FCGR1A: variants seen among roughly 807,000 people sequenced by gnomAD.
FCGR1A encodes the protein high affinity immunoglobulin gamma Fc receptor I.
In FCGR1A, 13 loss-of-function variants were observed where a neutral mutation model predicts 35.0. The ratio of observed to expected loss-of-function variants is 0.37; its 90% CI spans 0.24 to 0.59. The LOEUF is 0.59. Among genes scored for constraint, FCGR1A ranks in the 20% least tolerant of loss-of-function variants. The pLI is 0.71. For synonymous variants in FCGR1A, 91 were observed against 164.7 expected (o/e 0.55, Z 3.43); for missense variants, 227 against 430.0 (o/e 0.53, Z 4.17).
chr1:149,785,931 T>C (rs1449365612), intron 3 of FCGR1A: 1 of 152,142 alleles, frequency 6.6e-6, no homozygotes, highest in East Asian at 1.9e-4. Flanking sequence ...GGTTTATTTT[T>C]CTCAACATTA....
At chr1:149,793,387 G>T (rs587710669), downstream of FCGR1A, among the ~76,000 whole-genome samples, 8 of 152,080 alleles carry the variant, frequency 5.3e-5, no homozygotes, top group African/African-American at 1.4e-4. Context: ...GGGCAAGAAG[G>T]CTCCAGGCTC....
chr1:149,792,737 C>G, downstream of FCGR1A: 4 of 1,283,982 alleles, frequency 3.1e-6, no homozygotes, highest in Non-Finnish European at 4.1e-6. Flanking sequence ...CTCCGCGCCC[C>G]CGCCAAAACC....
At chr1:149,793,723 G>A (rs1447543489), downstream of FCGR1A, among the ~76,000 whole-genome samples, 2 of 150,660 alleles carry the variant, frequency 1.3e-5, no homozygotes, top group Non-Finnish European at 3.0e-5. Context: ...GGTCGTTAGG[G>A]GTCGTTCTTC....
chr1:149,791,461 A>G lies in FCGR1A; in HGVS notation c.1069A>G (p.Lys357Glu), dbSNP rs2091709776. ...LEEELKCQEQ[K>E]EEQLQEGVHR... Reference sequence around the variant, plus strand: ...AGAAGAGCTGAAATGTCAGGAACAAAAAGAAGAACAGCTGCAGGAAGGGGT... The same window carrying G: ...AGAAGAGCTGAAATGTCAGGAACAAGAAGAAGAACAGCTGCAGGAAGGGGT... The change falls in exon 6 of 6, where the codon AAA becomes GAA. Residue 357 changes from lysine (K) to glutamate (E), a missense_variant. Around this residue, in one of 3 missense-constraint regions of FCGR1A, gnomAD observed 39 missense variants for 101.3 expected, o/e 0.38. Coordinates refer to ENST00000369168, the MANE Select transcript of FCGR1A (RefSeq NM_000566.4). The G allele has an allele frequency of 6.2e-7, 1 of 1,608,496 alleles. No homozygotes were observed.
chr1:149,794,139 G>C, downstream of FCGR1A: 1 of 383,128 alleles, frequency 2.6e-6, no homozygotes, highest in South Asian at 1.9e-5. Context: ...GTCTAGGTGA[G>C]AGGCAGCGGC....
At chr1:149,793,785 G>A (rs1307778237), downstream of FCGR1A, among the ~76,000 whole-genome samples, 1 of 151,828 alleles carries the variant, frequency 6.6e-6, no homozygotes, top group Non-Finnish European at 1.5e-5. Flanking sequence ...GGCCACAAGA[G>A]CTTCTGTAAG....
intron 5 of FCGR1A, 38 bp from the exon 6 acceptor site, chr1:149,791,199 T>C (rs782011305): frequency 6.2e-7 from 1 of 1,606,112 alleles, no homozygotes; most frequent in Non-Finnish European, 8.5e-7. Context: ...CTCTGGTCTC[T>C]AAATAGTATC....
chr1:149,800,205 G>A, the FCGR1A span, among the ~76,000 whole-genome samples: 1 of 152,208 alleles, frequency 6.6e-6, no homozygotes, highest in African/African-American at 2.4e-5. Flanking sequence ...AAGTATGGGG[G>A]AAGGAGCATG....
chr1:149,788,252 G>C, intron 3 of FCGR1A, 114 bp from the exon 4 acceptor site: 2 of 1,607,644 alleles, frequency 1.2e-6, no homozygotes, highest in South Asian at 1.1e-5. Context: ...AGATTTGGCA[G>C]AGCTCTGAGG....
At chr1:149,784,392 C>T (rs2091484386) in intron 3 of FCGR1A, 135 bp downstream of exon 3, 3 of 1,499,510 alleles carry the variant, frequency 2.0e-6, no homozygotes, top group Non-Finnish European at 2.7e-6. Context: ...CCAGGTGAAA[C>T]TAAATCAGTA....
chr1:149,793,294 G>T (rs587655189), downstream of FCGR1A: 12 of 1,190,956 alleles, frequency 1.0e-5, no homozygotes, highest in Admixed American at 2.7e-4. Flanking sequence ...CCGCCTCCCC[G>T]TCCAGCTCGG....
chr1:149,790,163 G>T lies in FCGR1A; in HGVS notation c.669G>T (p.Leu223Phe), dbSNP rs781973576. Reference protein sequence around the residue: ...ETKLLLQRPGLQLYFSFYMGS... With the variant: ...ETKLLLQRPGFQLYFSFYMGS... ...AGTTGCTCTTGCAGAGGCCTGGTTT[G>T]CAGCTTTACTTCTCCTTCTACATGG... Residue 223 changes from leucine (L) to phenylalanine (F), a missense_variant, in exon 5 of 6, where the codon TTG becomes TTT. Leu to Phe is a conservative substitution (Grantham distance 22). Coordinates refer to ENST00000369168, the MANE Select transcript of FCGR1A (RefSeq NM_000566.4). 6.2e-7 allele frequency: 1 copy of T among 1,614,002 alleles called. No individual in the cohort carries two copies. The highest frequency in any genetic ancestry group is 1.3e-5 in the African/African-American group (1 of 75,026).
chr1:149,800,247 C>T, the FCGR1A span, among the ~76,000 whole-genome samples: 2 of 152,238 alleles, frequency 1.3e-5, no homozygotes, highest in Non-Finnish European at 2.9e-5. Context: ...GGGTGCGCCG[C>T]CCTTCAGGAA....
chr1:149,792,583 C>T (rs1553752123), downstream of FCGR1A: 9 of 1,195,838 alleles, frequency 7.5e-6, no homozygotes, highest in South Asian at 9.0e-5. Flanking sequence ...CGTCGCGCTC[C>T]GAGCGTGTCC....
chr1:149,796,229 A>T (rs1222852337), downstream of FCGR1A, among the ~76,000 whole-genome samples: 1 of 152,216 alleles, frequency 6.6e-6, no homozygotes, highest in Non-Finnish European at 1.5e-5. Context: ...AGAGAAGATT[A>T]AAAAAAGAAT....
chr1:149,789,916 C>T, intron 4 of FCGR1A, 138 bp from the exon 5 acceptor site: 1 of 1,549,434 alleles, frequency 6.5e-7, no homozygotes, highest in Admixed American at 1.9e-5. Context: ...TGGCTCTCTG[C>T]TGGAAGTAAA....
At chr1:149,800,073 G>A in the FCGR1A span, among the ~76,000 whole-genome samples, 3 of 151,876 alleles carry the variant, frequency 2.0e-5, no homozygotes, top group Non-Finnish European at 2.9e-5. Flanking sequence ...TTCCAAGCTG[G>A]GGTTCCCATG....
At chr1:149,793,917 A>G, downstream of FCGR1A, 1 of 1,286,440 alleles carries the variant, frequency 7.8e-7, no homozygotes, top group Non-Finnish European at 1.0e-6. Context: ...TCCTAGCTAA[A>G]TGCCTTCAGG....
chr1:149,799,959 C>T, the FCGR1A span, among the ~76,000 whole-genome samples: 2 of 152,040 alleles, frequency 1.3e-5, no homozygotes. Flanking sequence ...AATTTTTACA[C>T]TATTTATCAG....
Sources: gnomAD v4.1 joint callset for allele counts (sites outside exome capture counted in the v4.1 genomes callset) on GRCh38, gnomAD v4.1.1 for gene constraint, gnomAD v4.1.1 regional missense constraint, MANE v1.5 for transcripts, NCBI Gene and HGNC (gene_info 2026-07-23, HGNC 2026-07-21) for gene names.